GPCPD1: variants seen among roughly 807,000 people sequenced by gnomAD.
GPCPD1 encodes glycerophosphocholine phosphodiesterase GPCPD1.
Under a neutral mutation model 89.2 loss-of-function variants are expected in GPCPD1, and 29 were observed. The ratio of observed to expected loss-of-function variants is 0.33; its 90% CI spans 0.24 to 0.44. The LOEUF (loss-of-function observed/expected upper bound fraction) is 0.44. Ranked by LOEUF, GPCPD1 falls within the 20% of genes least tolerant of loss-of-function variation. The probability of loss-of-function intolerance (pLI) is 1.00; values close to 1 mark genes in which losing one functional copy is unlikely to be tolerated. For missense variants in GPCPD1, 594 were observed against 808.9 expected, an observed-to-expected ratio of 0.73 and a Z score of 3.22; for synonymous variants, 258 against 266.3, an observed-to-expected ratio of 0.97 and a Z score of 0.30.
intron 2 of GPCPD1, among the ~76,000 whole-genome samples, chr20:5,602,206 A>G (rs962580908): frequency 6.6e-6 from 1 of 152,194 alleles, no homozygotes; most frequent in African/African-American, 2.4e-5. Flanking sequence ...TGGCACGTAC[A>G]GAGTCATCTA....
At position 5,610,966 on chromosome 20, in the gene GPCPD1, C is replaced by G. The variant is rs539062739; in HGVS notation, c.-153G>C. The G allele has an allele frequency of 6.6e-6, 1 of 151,984 alleles. No individual in the cohort carries two copies. Among genetic ancestry groups the G allele is most frequent in the Admixed American group, 6.6e-5 (1 of 15,264 alleles). 9.4% of individuals were successfully genotyped at this position (151,984 alleles called of 1,614,324 possible). A position where few individuals can be genotyped will look rare whatever the true frequency, so the allele number is the denominator to read the frequency against. ...AGCGCTCCCCCCAGGCGGCCTGCCGCGGCGTCGAGCGGCAGGAAGCAGCCA... is the reference window on the plus strand; with the variant it reads ...AGCGCTCCCCCCAGGCGGCCTGCCGGGGCGTCGAGCGGCAGGAAGCAGCCA... On this transcript the variant is annotated 5_prime_UTR_variant, in exon 1 of 20. Transcript: ENST00000379019.
At chr20:5,577,055 T>G (rs1037372750) in intron 8 of GPCPD1, among the ~76,000 whole-genome samples, 8 of 133,518 alleles carry the variant, frequency 6.0e-5, no homozygotes, top group African/African-American at 1.7e-4. Flanking sequence ...AAAAAGTTGT[T>G]TTTTTTTTTG....
Position 5,570,168 on chromosome 20 carries a change from G to T in GPCPD1, c.1128C>A (p.Thr376=), listed in dbSNP as rs758527134. 4 of 1,555,668 alleles carry T rather than the reference G, an allele frequency of 2.6e-6. No individual in the cohort carries two copies. In the South Asian group the frequency reaches 4.5e-5, roughly 18 times the overall value. ...DFVPVVYHDL[T]CCLTMKKKFD... ...GTACCTTTTTCATAGTCAAACAACA[G>T]GTAAGATCATGATATACCACGGGCA... The change falls in exon 12 of 20, where the codon ACC becomes ACA. Residue 376 remains threonine (T), a synonymous_variant. Coordinates refer to ENST00000379019, the MANE Select transcript of GPCPD1 (RefSeq NM_019593.5).
intron 3 of GPCPD1, among the ~76,000 whole-genome samples, chr20:5,596,771 A>G (rs1862116911): frequency 6.6e-6 from 1 of 152,206 alleles, no homozygotes; most frequent in Non-Finnish European, 1.5e-5. Flanking sequence ...TTAAAATTCC[A>G]AAGAAACACA....
chr20:5,604,324 ATTTAAT>A, intron 2 of GPCPD1, 34 bp downstream of exon 2: 1 of 1,006,868 alleles, frequency 9.9e-7, no homozygotes, highest in Non-Finnish European at 1.6e-6. Context: ...AAACATGCTA[ATTTAAT>A]TTTAATTGTT....
intron 19 of GPCPD1, chr20:5,548,799 A>G (rs1390234200): frequency 4.7e-6 from 2 of 423,184 alleles, no homozygotes; most frequent in African/African-American, 4.2e-5. Flanking sequence ...AGGAAACAAG[A>G]GCAGAGTTAA....
In GPCPD1 at chr20:5,605,036, A is replaced by G. The variant is rs148937431; in HGVS notation, c.-28-596T>C. Among the ~76,000 whole-genome samples, 361 of 152,306 alleles carry G rather than the reference A, an allele frequency of 2.4e-3. 4 individuals carry two copies. The highest frequency in any genetic ancestry group is 7.7e-3 in the African/African-American group (320 of 41,568). ...ATGAATCTCAATTATGAGCAAAAAAAAAGATTAATTTCAGAGTCCTTATAT... is the reference window on the plus strand; with the variant it reads ...ATGAATCTCAATTATGAGCAAAAAAGAAGATTAATTTCAGAGTCCTTATAT... On this transcript the variant is annotated intron_variant, in intron 1 of 19. Transcript: ENST00000379019.
At chr20:5,579,865 G>A (rs1978338196) in intron 7 of GPCPD1, 143 bp downstream of exon 7, 1 of 490,056 alleles carries the variant, frequency 2.0e-6, no homozygotes, top group Non-Finnish European at 3.7e-6. Context: ...GGGATAAGTA[G>A]TTCACTATTA....
At chr20:5,564,050 CGAGA>C (rs1487627883) in intron 15 of GPCPD1, among the ~76,000 whole-genome samples, 1 of 152,000 alleles carries the variant, frequency 6.6e-6, no homozygotes, top group Non-Finnish European at 1.5e-5. Flanking sequence ...AAAAAGACAA[CGAGA>C]AAGACCAGAA....
At chr20:5,558,593 C>T in intron 18 of GPCPD1, 91 bp downstream of exon 18, 1 of 746,454 alleles carries the variant, frequency 1.3e-6, no homozygotes, top group Non-Finnish European at 2.2e-6. Context: ...AAAACGTTAA[C>T]ATTAGATGGG....
At chr20:5,571,684 A>C in intron 11 of GPCPD1, among the ~76,000 whole-genome samples, 1 of 152,166 alleles carries the variant, frequency 6.6e-6, no homozygotes, top group East Asian at 1.9e-4. Context: ...TGAGGCAGTC[A>C]GATCACCTGA....
rs1288365876 is a variant in GPCPD1, at chr20:5,610,902, C to T, written c.-89G>A. The T allele has an allele frequency of 6.6e-6, 1 of 150,928 alleles. No homozygotes were observed. The highest frequency in any genetic ancestry group is 6.6e-5 in the Admixed American group (1 of 15,152). 9.3% of individuals were successfully genotyped at this position (150,928 alleles called of 1,614,324 possible). On this transcript the variant is annotated 5_prime_UTR_variant, in exon 1 of 20. Transcript: ENST00000379019. ...CCGCCCCGCCCGAGAGCGAGGACCG[C>T]GGGCAGAGGTACCGGGCGCCCGCCG... is the stretch of plus-strand genomic sequence containing the variant.
chr20:5,607,528 A>C lies in GPCPD1; in HGVS notation c.-28-3088T>G, dbSNP rs973842961. Among the ~76,000 whole-genome samples, 4 of 152,222 alleles carry C rather than the reference A, an allele frequency of 2.6e-5. No individual in the cohort carries two copies. In the East Asian group the frequency reaches 7.7e-4, roughly 29 times the overall value. ...AGGAGGTGGAGGTTGTGGTAAGCCG[A>C]GATCATGCCACTGCACTCCAGCCTG... On this transcript the variant is annotated intron_variant, in intron 1 of 19. Transcript: ENST00000379019.
intron 10 of GPCPD1, 139 bp from the exon 11 acceptor site, chr20:5,574,108 ATGACTATGGCTG>A (rs1472655070): frequency 6.4e-6 from 4 of 626,152 alleles, no homozygotes; most frequent in African/African-American, 1.8e-5. Flanking sequence ...TCCCCAAAAT[ATGACTATGGCTG>A]TGACTAGGAA....
intron 1 of GPCPD1, among the ~76,000 whole-genome samples, chr20:5,607,683 G>C (rs765558483): frequency 5.3e-5 from 8 of 151,994 alleles, no homozygotes; most frequent in Non-Finnish European, 1.2e-4. Flanking sequence ...TGGCGGCCAG[G>C]TGTGGTGGCT....
intron 15 of GPCPD1, among the ~76,000 whole-genome samples, chr20:5,561,825 C>A (rs6107653): frequency 0.15 from 22,526 of 152,162 alleles, 1,854 homozygotes; most frequent in Middle Eastern, 0.21. Flanking sequence ...TTCGCCATTA[C>A]TAGTAAACAT....
At chr20:5,564,338 A>C (rs1023297194) in intron 15 of GPCPD1, among the ~76,000 whole-genome samples, 6 of 151,046 alleles carry the variant, frequency 4.0e-5, no homozygotes, top group Non-Finnish European at 5.9e-5. Flanking sequence ...TAAAAAAAAA[A>C]AACCAAAAAC....
intron 4 of GPCPD1, among the ~76,000 whole-genome samples, chr20:5,589,382 C>A (rs958101440): frequency 6.6e-6 from 1 of 152,114 alleles, no homozygotes; most frequent in Non-Finnish European, 1.5e-5. Flanking sequence ...GAGGTCAAAG[C>A]GGGTGGATCA....
At chr20:5,593,618 CT>C (rs1979490293) in intron 3 of GPCPD1, among the ~76,000 whole-genome samples, 1 of 152,182 alleles carries the variant, frequency 6.6e-6, no homozygotes, top group South Asian at 2.1e-4. Flanking sequence ...AAAGAGCTTC[CT>C]TTGCTGTGTG....
Sources: gnomAD v4.1 joint callset for allele counts (sites outside exome capture counted in the v4.1 genomes callset) on GRCh38, gnomAD v4.1.1 for gene constraint, MANE v1.5 for transcripts, NCBI Gene and HGNC (gene_info 2026-07-23, HGNC 2026-07-21) for gene names.